AKAP7: variants seen among roughly 807,000 people sequenced by gnomAD.
AKAP7 encodes the protein A-kinase anchoring protein 7.
AKAP7 carries 39 observed loss-of-function variants against 39.5 expected under a neutral mutation model. The observed-to-expected ratio is 0.99, with a 90% CI of 0.76 to 1.29. The LOEUF is 1.29. AKAP7 is among the 50% of genes most tolerant of loss of function. The probability of loss-of-function intolerance (pLI) is 0.00; values close to 1 mark genes in which losing one functional copy is unlikely to be tolerated. For synonymous variants in AKAP7, 140 were observed against 139.1 expected, an observed-to-expected ratio of 1.01 and a Z score of -0.05; for missense variants, 414 against 407.7, an observed-to-expected ratio of 1.02 and a Z score of -0.13.
chr6:131,270,837 C>CT (rs571655021), intron 7 of AKAP7, among the ~76,000 whole-genome samples: 2 of 152,070 alleles, frequency 1.3e-5, no homozygotes, highest in Admixed American at 6.5e-5. Context: ...TGTTGAATGT[C>CT]TTTTTACATG....
chr6:131,149,751 A>T (rs1227384281), intron 2 of AKAP7, among the ~76,000 whole-genome samples: 1 of 152,188 alleles, frequency 6.6e-6, no homozygotes, highest in African/African-American at 2.4e-5. Flanking sequence ...GTTGACTTGG[A>T]TGGGGTCTTT....
At chr6:131,130,844 G>A (rs1428183266), upstream of AKAP7, among the ~76,000 whole-genome samples, 2 of 152,162 alleles carry the variant, frequency 1.3e-5, no homozygotes, top group Non-Finnish European at 2.9e-5. Context: ...CAAAGGACTG[G>A]CGTCTTGGCA....
At position 131,145,302 on chromosome 6, in the gene AKAP7, G is replaced by T; in HGVS notation, c.37G>T (p.Glu13Ter). 6.6e-7 allele frequency: 1 copy of T among 1,522,202 alleles called. No homozygotes were observed. The highest frequency in any genetic ancestry group is 1.3e-5 in the South Asian group (1 of 76,496). The allele number at this position is 1,522,202 out of a possible 1,614,324, so 94.3% of individuals were successfully genotyped here. A position where few individuals can be genotyped will look rare whatever the true frequency, so the allele number is the denominator to read the frequency against. The change falls in exon 2 of 8, where the codon GAG becomes TAG. Residue 13 changes from glutamate (E) to a stop codon, truncating the protein, a stop_gained. Transcript: ENST00000431975. LOFTEE classifies it high-confidence loss of function. ...RPEAGGINSN[E>*]CENVSRKKKM... is the part of the protein sequence containing the mutation. ...TGTTAAAGGAGGAATTAATTCCAAT[G>T]AGTGTGAAAATGTATCAAGAAAAAA...
At chr6:131,214,950 T>A (rs1809006412) in intron 6 of AKAP7, among the ~76,000 whole-genome samples, 1 of 152,216 alleles carries the variant, frequency 6.6e-6, no homozygotes, top group Non-Finnish European at 1.5e-5. Flanking sequence ...GCTGTGTCTT[T>A]TGGTAAGTGA....
At chr6:131,279,033 GT>G (rs144734470) in intron 7 of AKAP7, among the ~76,000 whole-genome samples, 2,932 of 152,224 alleles carry the variant, frequency 0.019, 95 homozygotes, top group African/African-American at 0.066. Context: ...GCAGACAGAC[GT>G]TTCTCTGTAG....
intron 6 of AKAP7, among the ~76,000 whole-genome samples, chr6:131,216,163 T>G (rs13217926): frequency 6.6e-6 from 1 of 152,244 alleles, no homozygotes; most frequent in Non-Finnish European, 1.5e-5. Flanking sequence ...AGGTTTGTCA[T>G]AGAAATTAAA....
chr6:131,127,191 A>T, the AKAP7 span, among the ~76,000 whole-genome samples: 1 of 151,988 alleles, frequency 6.6e-6, no homozygotes, highest in Admixed American at 6.6e-5. Context: ...GATTACAGGC[A>T]TATGCTACCA....
intron 7 of AKAP7, among the ~76,000 whole-genome samples, chr6:131,239,369 T>C (rs1466983319): frequency 6.6e-6 from 1 of 152,186 alleles, no homozygotes; most frequent in Non-Finnish European, 1.5e-5. Flanking sequence ...CTTTGGTGAA[T>C]CTGATAATTA....
intron 7 of AKAP7, among the ~76,000 whole-genome samples, chr6:131,279,423 C>T (rs1815026914): frequency 6.6e-6 from 1 of 152,114 alleles, no homozygotes; most frequent in Non-Finnish European, 1.5e-5. Flanking sequence ...TGCATGCCAC[C>T]ACGCCCAGCT....
intron 3 of AKAP7, among the ~76,000 whole-genome samples, chr6:131,163,101 A>C (rs1803152076): frequency 6.6e-6 from 1 of 152,164 alleles, no homozygotes; most frequent in Non-Finnish European, 1.5e-5. Context: ...ATACAGTGTA[A>C]TGGTGGTTTC....
intron 7 of AKAP7, among the ~76,000 whole-genome samples, chr6:131,234,520 C>T (rs1810878032): frequency 1.3e-5 from 2 of 151,444 alleles, no homozygotes; most frequent in African/African-American, 4.9e-5. Flanking sequence ...GAGAAAGCAG[C>T]ATAAGCGACC....
intron 5 of AKAP7, among the ~76,000 whole-genome samples, chr6:131,190,458 C>T (rs577189702): frequency 1.8e-4 from 27 of 151,900 alleles, no homozygotes; most frequent in African/African-American, 5.6e-4. Flanking sequence ...GATTGGCCAA[C>T]ATGACAAAAC....
chr6:131,253,631 T>A (rs1485490213), intron 7 of AKAP7, among the ~76,000 whole-genome samples: 2 of 151,896 alleles, frequency 1.3e-5, no homozygotes, highest in Non-Finnish European at 2.9e-5. Context: ...CTGGTAACCA[T>A]CATTCCACTC....
rs747605805 is a variant in AKAP7 at position 131,169,270 on chromosome 6, G to A, written c.586G>A (p.Ala196Thr). 6.2e-7 allele frequency: 1 copy of A among 1,613,706 alleles called. No homozygotes were observed. Among genetic ancestry groups the A allele is most frequent in the South Asian group, 1.1e-5 (1 of 91,004 alleles). ...GDHVNSLLEI[A>T]ETANRTFQEK... The stretch of plus-strand genomic sequence containing the variant: ...TCATGTAAACTCACTTTTGGAGATA[G>A]CAGGTAAAACAGCAACACACTCATA... The change falls in exon 5 of 8, where the codon GCA becomes ACA. Residue 196 changes from alanine (A) to threonine (T), a missense_variant. By Grantham distance (58) the Ala-to-Thr change is moderately conservative. Coordinates refer to ENST00000431975, the MANE Select transcript of AKAP7 (RefSeq NM_016377.4).
chr6:131,140,829 GA>G (rs897883413), intron 1 of AKAP7, among the ~76,000 whole-genome samples: 11 of 152,276 alleles, frequency 7.2e-5, no homozygotes, highest in African/African-American at 2.6e-4. Flanking sequence ...ATTCATCTAT[GA>G]AAACTTTTAT....
At chr6:131,222,301 G>A (rs568944892) in intron 7 of AKAP7, among the ~76,000 whole-genome samples, 14 of 152,284 alleles carry the variant, frequency 9.2e-5, no homozygotes, top group African/African-American at 2.2e-4. Flanking sequence ...CAAGGCGGGC[G>A]GATCATAAGG....
At position 131,216,345 on chromosome 6, in the gene AKAP7, A is replaced by G. The variant is rs182100134; in HGVS notation, c.703-3316A>G. Among the ~76,000 whole-genome samples, 133 of 152,348 alleles carry G rather than the reference A, an allele frequency of 8.7e-4. 1 individual carries two copies. The highest frequency in any genetic ancestry group is 7.3e-3 in the Admixed American group (111 of 15,306). On this transcript the variant is annotated intron_variant, in intron 6 of 7. Transcript: ENST00000431975. ...CTTTGGTACATATTAAATTATGCAC[A>G]TCATTTAGCTAAATGTAAATGATAT...
chr6:131,166,774 A>G (rs756908171), intron 4 of AKAP7, among the ~76,000 whole-genome samples: 26 of 152,186 alleles, frequency 1.7e-4, no homozygotes, highest in Non-Finnish European at 2.9e-4. Flanking sequence ...GACATTGTTT[A>G]TGTGAACAAT....
Position 131,267,739 on chromosome 6 carries a change from A to G in AKAP7, c.851-13791A>G, listed in dbSNP as rs1471786960. The stretch of plus-strand genomic sequence containing the variant: ...ATTCATTCTGTCTGATCCAGCTCAA[A>G]CATCACCTCCTGCAATTCACTTTTT... On this transcript the variant is annotated intron_variant, in intron 7 of 7. Coordinates refer to ENST00000431975, the MANE Select transcript of AKAP7 (RefSeq NM_016377.4). Among the ~76,000 whole-genome samples, 4 of 152,168 alleles carry G rather than the reference A, an allele frequency of 2.6e-5. No individual in the cohort carries two copies. The East Asian group carries it at 7.7e-4, about 29-fold the overall frequency.
Sources: allele counts gnomAD v4.1 joint callset (sites outside exome capture counted in the v4.1 genomes callset), GRCh38; gene constraint gnomAD v4.1.1; transcripts MANE v1.5; gene names NCBI Gene and HGNC (gene_info 2026-07-23, HGNC 2026-07-21).